Variants in MGAT4D observed in about 807,000 individuals in gnomAD.
MGAT4D encodes the protein alpha-1,3-mannosyl-glycoprotein 4-beta-N-acetylglucosaminyltransferase-like protein MGAT4D.
Under a neutral mutation model 15.9 loss-of-function variants are expected in MGAT4D, and 34 were observed. The observed-to-expected ratio is 2.14, with a 90% CI of 1.62 to 2.84. The LOEUF (loss-of-function observed/expected upper bound fraction) is 2.84, where lower values mean the gene tolerates loss of function less well. Ranked by LOEUF, MGAT4D falls within the 30% of genes most tolerant of loss-of-function variation. The pLI, the probability that MGAT4D is intolerant of heterozygous loss-of-function variation, is 0.00. For missense variants in MGAT4D, 327 were observed against 140.2 expected, an observed-to-expected ratio of 2.33 and a Z score of -6.73; for synonymous variants, 112 against 48.2, an observed-to-expected ratio of 2.33 and a Z score of -5.49.
chr4:140,456,724 G>A lies in MGAT4D; in HGVS notation c.878-5C>T. 2 of 639,818 alleles carry A rather than the reference G, an allele frequency of 3.1e-6. No homozygotes were observed. The highest frequency in any genetic ancestry group is 1.8e-5 in the South Asian group (1 of 55,166). 39.6% of individuals were successfully genotyped at this position (639,818 alleles called of 1,614,324 possible). ...CCTCAGATCTAAACAGCTTTCCTAT[G>A]GAAAAAAATACAATTAGATGCAAAT... On this transcript the variant is annotated splice_region_variant and splice_polypyrimidine_tract_variant and intron_variant, in intron 8 of 10. Coordinates refer to ENST00000511113, the MANE Select transcript of MGAT4D (RefSeq NM_001277353.2).
intron 6 of MGAT4D, 84 bp downstream of exon 6, chr4:140,464,812 A>T: frequency 3.0e-6 from 2 of 673,744 alleles, no homozygotes; most frequent in Non-Finnish European, 5.4e-6. Context: ...ACTGTGTCTG[A>T]AATAGTTTCT....
chr4:140,452,461 G>A (rs560675003), intron 9 of MGAT4D, among the ~76,000 whole-genome samples: 61 of 152,240 alleles, frequency 4.0e-4, no homozygotes, highest in African/African-American at 1.4e-3. Context: ...TGGTTGAGGA[G>A]TTACAGTTTA....
intron 3 of MGAT4D, among the ~76,000 whole-genome samples, chr4:140,476,045 C>T (rs1732308647): frequency 6.6e-6 from 1 of 152,094 alleles, no homozygotes; most frequent in Admixed American, 6.5e-5. Flanking sequence ...CTCCTGACCT[C>T]AAGTGATCTG....
Position 140,442,490 on chromosome 4 carries a change from T to G in MGAT4D, c.*946A>C, listed in dbSNP as rs1375810636. On this transcript the variant is annotated 3_prime_UTR_variant, in exon 11 of 11. Coordinates refer to ENST00000511113, the MANE Select transcript of MGAT4D (RefSeq NM_001277353.2). ...GATTTTAATGGGCCCCTGTAGAAAC[T>G]GATGGATCAAGCATATAGAAATTAG... is the stretch of plus-strand genomic sequence containing the variant. 1 of 152,108 alleles carries G rather than the reference T, an allele frequency of 6.6e-6. No homozygotes were observed. Among genetic ancestry groups the G allele is most frequent in the African/African-American group, 2.4e-5 (1 of 41,428 alleles). 9.4% of individuals were successfully genotyped at this position (152,108 alleles called of 1,614,324 possible).
intron 9 of MGAT4D, among the ~76,000 whole-genome samples, 163 bp downstream of exon 9, chr4:140,456,426 C>A (rs977434942): frequency 1.3e-5 from 2 of 151,734 alleles, no homozygotes; most frequent in Admixed American, 1.3e-4. Context: ...AGGGGTCTCT[C>A]ATTACTTCAT....
chr4:140,444,862 C>T (rs930616679), intron 10 of MGAT4D, among the ~76,000 whole-genome samples: 8 of 147,826 alleles, frequency 5.4e-5, no homozygotes, highest in African/African-American at 7.4e-5. Context: ...TCTCTGCAAC[C>T]TCACCAGCAT....
intron 10 of MGAT4D, among the ~76,000 whole-genome samples, chr4:140,449,001 C>T (rs1475258763): frequency 6.6e-6 from 1 of 152,200 alleles, no homozygotes; most frequent in Non-Finnish European, 1.5e-5. Context: ...AATTGGGTGT[C>T]CTGTATTTTA....
rs1050297327 is a variant in MGAT4D at position 140,442,393 on chromosome 4, TAAC to T, written c.*1040_*1042del. 1 of 152,034 alleles carries T rather than the reference TAAC, an allele frequency of 6.6e-6. No individual in the cohort carries two copies. The highest frequency in any genetic ancestry group is 2.4e-5 in the African/African-American group (1 of 41,404). The allele number at this position is 152,034 out of a possible 1,614,324, so 9.4% of individuals were successfully genotyped here. On this transcript the variant is annotated 3_prime_UTR_variant, in exon 11 of 11. Transcript: ENST00000511113. ...AATTTCACAATATTTGATTAAAGGATAACAAATAAATATCACTTATTATTGCTC... is the reference window on the plus strand; with the variant it reads ...AATTTCACAATATTTGATTAAAGGATAAATAAATATCACTTATTATTGCTC...
chr4:140,449,687 G>C (rs1445653987), intron 10 of MGAT4D, among the ~76,000 whole-genome samples: 1 of 152,186 alleles, frequency 6.6e-6, no homozygotes, highest in Non-Finnish European at 1.5e-5. Flanking sequence ...GTGAACCTGG[G>C]AGGCAGAGCT....
At chr4:140,474,974 A>AT in intron 3 of MGAT4D, 28 bp from the exon 4 acceptor site, 1 of 609,770 alleles carries the variant, frequency 1.6e-6, no homozygotes, top group East Asian at 3.0e-5. Context: ...TGAAATCATC[A>AT]TTCCATACCA....
At position 140,486,356 on chromosome 4, in the gene MGAT4D, T is replaced by C. The variant is rs558624846; in HGVS notation, c.95-3871A>G. Among the ~76,000 whole-genome samples, 6 of 152,280 alleles carry C rather than the reference T, an allele frequency of 3.9e-5. No individual in the cohort carries two copies. The South Asian group carries it at 1.2e-3, about 32-fold the overall frequency. ...TAGCACAGCCGTCTTTCCCTTATTA[T>C]TATTTTTTTAATTATACTTTAAGTT... On this transcript the variant is annotated intron_variant, in intron 1 of 10. Coordinates refer to ENST00000511113, the MANE Select transcript of MGAT4D (RefSeq NM_001277353.2).
chr4:140,450,252 T>C (rs1318121142), intron 10 of MGAT4D: 11 of 233,104 alleles, frequency 4.7e-5, no homozygotes, highest in Non-Finnish European at 6.5e-5. Context: ...AAAATATGAA[T>C]GTTTATGTCT....
At chr4:140,490,854 CA>C (rs1327142835) in intron 1 of MGAT4D, among the ~76,000 whole-genome samples, 1 of 152,146 alleles carries the variant, frequency 6.6e-6, no homozygotes, top group Non-Finnish European at 1.5e-5. Flanking sequence ...TAGTAACCAT[CA>C]AGTTGAATTT....
At chr4:140,471,070 T>G (rs1370771282) in intron 5 of MGAT4D, among the ~76,000 whole-genome samples, 1 of 151,914 alleles carries the variant, frequency 6.6e-6, no homozygotes, top group South Asian at 2.1e-4. Flanking sequence ...GGCCATTTTT[T>G]CAGTAGAGAC....
intron 1 of MGAT4D, among the ~76,000 whole-genome samples, chr4:140,489,074 T>A (rs1351252245): frequency 6.6e-6 from 1 of 152,260 alleles, no homozygotes; most frequent in Non-Finnish European, 1.5e-5. Context: ...AATGGCCTAC[T>A]ACAGTTTATC....
At chr4:140,488,218 C>A (rs913748648) in intron 1 of MGAT4D, among the ~76,000 whole-genome samples, 3 of 152,202 alleles carry the variant, frequency 2.0e-5, no homozygotes, top group African/African-American at 7.2e-5. Flanking sequence ...TCCTATACAA[C>A]ATGGCCATGA....
chr4:140,463,583 T>TA (rs1320067342), intron 6 of MGAT4D, among the ~76,000 whole-genome samples: 12 of 151,886 alleles, frequency 7.9e-5, no homozygotes, highest in Middle Eastern at 3.4e-3. Context: ...GTCCTGAATA[T>TA]AAAAAAAGCA....
intron 9 of MGAT4D, among the ~76,000 whole-genome samples, chr4:140,456,007 T>A (rs1730772334): frequency 6.6e-6 from 1 of 152,068 alleles, no homozygotes; most frequent in South Asian, 2.1e-4. Flanking sequence ...CATGGTGGCG[T>A]GCACCTATAG....
At chr4:140,469,839 G>A (rs1731798246) in intron 5 of MGAT4D, among the ~76,000 whole-genome samples, 2 of 152,354 alleles carry the variant, frequency 1.3e-5, no homozygotes, top group South Asian at 4.1e-4. Flanking sequence ...GCGACCCCGA[G>A]CTGCTGGAGG....
Sources: allele counts gnomAD v4.1 joint callset (sites outside exome capture counted in the v4.1 genomes callset), GRCh38; gene constraint gnomAD v4.1.1; transcripts MANE v1.5; gene names NCBI Gene and HGNC (gene_info 2026-07-23, HGNC 2026-07-21).